The following DAG1 variants were observed in gnomAD, a reference collection of about 807,000 sequenced individuals.
DAG1 encodes the protein dystroglycan 1.
A neutral mutation model predicts 46.1 loss-of-function variants in DAG1; 8 were observed. That is an observed-to-expected ratio of 0.17 (90% CI 0.10 to 0.31). The LOEUF is 0.31. Ranked by LOEUF, DAG1 falls within the 10% of genes least tolerant of loss-of-function variation. The probability of loss-of-function intolerance (pLI) is 1.00; values close to 1 mark genes in which losing one functional copy is unlikely to be tolerated. For synonymous variants in DAG1, 495 were observed against 481.8 expected (o/e 1.03, Z -0.36); for missense variants, 1,003 against 1,189.9 (o/e 0.84, Z 2.31).
chr3:49,491,033 C>T (rs1458406864), intron 1 of DAG1, among the ~76,000 whole-genome samples: 11 of 151,616 alleles, frequency 7.3e-5, no homozygotes, highest in African/African-American at 2.7e-4. Context: ...ACTACAGGCG[C>T]GCACTACTAC....
intron 2 of DAG1, among the ~76,000 whole-genome samples, chr3:49,517,184 G>A (rs182389644): frequency 2.0e-5 from 3 of 151,800 alleles, no homozygotes; most frequent in East Asian, 3.9e-4. Flanking sequence ...TAGTAGAGAC[G>A]GGGTTTCACT....
In DAG1 at chr3:49,532,418, C is replaced by A; in HGVS notation, c.1907C>A (p.Ala636Asp). The A allele has an allele frequency of 6.2e-7, 1 of 1,614,200 alleles. No homozygotes were observed. The highest frequency in any genetic ancestry group is 8.5e-7 in the Non-Finnish European group (1 of 1,180,042). Reference sequence around the variant, plus strand: ...GCCTTGGTAAAGAAACTGGCCTTCGCCTTTGGAGACCGAAACTGTAGCACC... The same window carrying A: ...GCCTTGGTAAAGAAACTGGCCTTCGACTTTGGAGACCGAAACTGTAGCACC... The part of the protein sequence containing the change: ...KIALVKKLAF[A>D]FGDRNCSTIT... Residue 636 changes from alanine to aspartate, a missense_variant, in exon 3 of 3, where the codon GCC becomes GAC. Around this residue, in one of 3 missense-constraint regions of DAG1, gnomAD observed 755 missense variants for 854.1 expected, o/e 0.88. Coordinates refer to ENST00000308775, the MANE Select transcript of DAG1 (RefSeq NM_004393.6). This position sits in a 1 kb window ranked among gnomAD's most constrained non-coding sequence, Gnocchi z 5.4.
intron 1 of DAG1, among the ~76,000 whole-genome samples, chr3:49,497,012 T>C (rs1397803656): frequency 6.6e-6 from 1 of 152,022 alleles, no homozygotes; most frequent in Non-Finnish European, 1.5e-5. Flanking sequence ...AAATGTTTTT[T>C]TTAGGGGCTG....
At chr3:49,493,244 G>C (rs2050234090) in intron 1 of DAG1, among the ~76,000 whole-genome samples, 1 of 151,730 alleles carries the variant, frequency 6.6e-6, no homozygotes, top group African/African-American at 2.4e-5. Flanking sequence ...GAGTCTCCCT[G>C]TGTTGCCCAG....
chr3:49,528,274 G>GTTTTTT (rs1559575548), intron 2 of DAG1, among the ~76,000 whole-genome samples: 2 of 60,322 alleles, frequency 3.3e-5, no homozygotes, highest in Admixed American at 2.0e-4. Flanking sequence ...GAAATAGTGT[G>GTTTTTT]ATTTTTTTTT....
chr3:49,478,446 A>T (rs1027108549), intron 1 of DAG1, among the ~76,000 whole-genome samples: 2 of 149,848 alleles, frequency 1.3e-5, no homozygotes, highest in African/African-American at 2.4e-5. Flanking sequence ...AATAAAAAAA[A>T]AAAAAAAAAT....
chr3:49,515,441 C>T (rs1249333614), intron 2 of DAG1, among the ~76,000 whole-genome samples: 2 of 144,718 alleles, frequency 1.4e-5, no homozygotes, highest in Non-Finnish European at 3.0e-5. Context: ...GGCTGGAGTG[C>T]AGTGGCACTA....
intron 1 of DAG1, among the ~76,000 whole-genome samples, chr3:49,502,120 G>A (rs893022404): frequency 3.3e-5 from 5 of 152,204 alleles, no homozygotes; most frequent in South Asian, 2.1e-4. Flanking sequence ...GCAGTGAGCT[G>A]TGATTACACC....
chr3:49,483,584 G>A (rs370164298), intron 1 of DAG1, among the ~76,000 whole-genome samples: 1 of 152,170 alleles, frequency 6.6e-6, no homozygotes, highest in Admixed American at 6.6e-5. Flanking sequence ...AGACCAGTCT[G>A]ATGAGTAGCC....
intron 1 of DAG1, among the ~76,000 whole-genome samples, chr3:49,473,046 G>A (rs1193169736): frequency 6.6e-6 from 1 of 151,578 alleles, no homozygotes; most frequent in Non-Finnish European, 1.5e-5. Flanking sequence ...GCTTGAACCC[G>A]GGAGGCGGAG....
rs1484806172 is a variant in DAG1, at chr3:49,533,817, T to C, written c.*618T>C. On this transcript the variant is annotated 3_prime_UTR_variant, in exon 3 of 3. Coordinates refer to ENST00000308775, the MANE Select transcript of DAG1 (RefSeq NM_004393.6). The stretch of plus-strand genomic sequence containing the variant: ...GAGAAGACCAAGGGACAGTATTTTT[T>C]ATCAAAGGAATACTATTTTTTCACA... 1 of 185,324 alleles carries C rather than the reference T, an allele frequency of 5.4e-6. No individual in the cohort carries two copies. Among genetic ancestry groups the C allele is most frequent in the Non-Finnish European group, 1.1e-5 (1 of 87,786 alleles). The allele number at this position is 185,324 out of a possible 1,614,324, so 11.5% of individuals were successfully genotyped here.
chr3:49,496,485 G>A (rs1224796960), intron 1 of DAG1, among the ~76,000 whole-genome samples: 3 of 150,430 alleles, frequency 2.0e-5, no homozygotes, highest in Non-Finnish European at 1.5e-5. Flanking sequence ...AGCCTCCTGA[G>A]TAGCTGGGAT....
chr3:49,512,070 T>C (rs910048555), intron 2 of DAG1, among the ~76,000 whole-genome samples: 2 of 152,120 alleles, frequency 1.3e-5, no homozygotes, highest in African/African-American at 4.8e-5. Context: ...CTTGCTCTGT[T>C]GTTCAGGCTG....
At chr3:49,478,540 T>A (rs9852636) in intron 1 of DAG1, among the ~76,000 whole-genome samples, 6 of 92,460 alleles carry the variant, frequency 6.5e-5, no homozygotes, top group Admixed American at 9.7e-5. Flanking sequence ...TTTTTTTTTT[T>A]TTTTTTTTTT....
chr3:49,506,080 A>G lies in DAG1; in HGVS notation c.-116-4339A>G, dbSNP rs189012301. On this transcript the variant is annotated intron_variant, in intron 1 of 2. Transcript: ENST00000308775. ...CTACAACCACCGCCTCCTGGGTTCA[A>G]GCGATTCTCCTGCCTCAGCCTCCTG... Among the ~76,000 whole-genome samples, 15 of 151,090 alleles carry G rather than the reference A, an allele frequency of 9.9e-5. No homozygotes were observed. The East Asian group carries it at 2.7e-3, about 27-fold the overall frequency.
At chr3:49,499,933 T>G (rs1230233712) in intron 1 of DAG1, among the ~76,000 whole-genome samples, 1 of 152,184 alleles carries the variant, frequency 6.6e-6, no homozygotes, top group East Asian at 1.9e-4. Context: ...CAAAGGTCAC[T>G]ACCTTTTAGG....
intron 2 of DAG1, among the ~76,000 whole-genome samples, chr3:49,513,726 C>A (rs2050822165): frequency 6.6e-6 from 1 of 152,174 alleles, no homozygotes; most frequent in Admixed American, 6.6e-5. Context: ...TGTAGCAGTT[C>A]ACAGAGCTCT....
At chr3:49,514,866 T>A (rs1319755237) in intron 2 of DAG1, among the ~76,000 whole-genome samples, 2 of 151,498 alleles carry the variant, frequency 1.3e-5, no homozygotes, top group African/African-American at 2.4e-5. Context: ...CACACATATA[T>A]ATATATTTTT....
chr3:49,490,772 G>A (rs912124194), intron 1 of DAG1, among the ~76,000 whole-genome samples: 1 of 150,644 alleles, frequency 6.6e-6, no homozygotes, highest in Non-Finnish European at 1.5e-5. Flanking sequence ...GTTTCACCAT[G>A]TTGCCCAGGC....
Sources: gnomAD v4.1 joint callset for allele counts (sites outside exome capture counted in the v4.1 genomes callset) on GRCh38, gnomAD v4.1.1 for gene constraint, gnomAD v4.1.1 regional missense constraint, Gnocchi (gnomAD v3.1) non-coding constraint, MANE v1.5 for transcripts, NCBI Gene and HGNC (gene_info 2026-07-23, HGNC 2026-07-21) for gene names.